Variants in PTPRD observed in about 807,000 individuals in gnomAD.
The protein encoded by PTPRD is protein tyrosine phosphatase receptor type D.
In PTPRD, 34 loss-of-function variants were observed where a neutral mutation model predicts 214.5. The observed-to-expected ratio is 0.16, with a 90% CI of 0.12 to 0.21. PTPRD has a LOEUF of 0.21. Among genes scored for constraint, PTPRD ranks in the 10% least tolerant of loss-of-function variants. The pLI, the probability that PTPRD is intolerant of heterozygous loss-of-function variation, is 1.00. For missense variants in PTPRD, 2,545 were observed against 2,398.7 expected (o/e 1.06, Z -1.27); for synonymous variants, 1,128 against 845.7 (o/e 1.33, Z -5.79).
intron 6 of PTPRD, among the ~76,000 whole-genome samples, chr9:9,739,251 T>G (rs10816171): frequency 0.23 from 34,524 of 152,142 alleles, 4,876 homozygotes; most frequent in South Asian, 0.3. Context: ...GGCATCCTTG[T>G]CTTTATCTCA....
intron 5 of PTPRD, among the ~76,000 whole-genome samples, chr9:9,891,345 A>G (rs1566048758): frequency 6.6e-6 from 1 of 152,090 alleles, no homozygotes; most frequent in East Asian, 1.9e-4. Context: ...TAAGTTTGAA[A>G]GTAATAAATG....
At position 8,316,545 on chromosome 9, in the gene PTPRD, G is replaced by A. The variant is rs753740509; in HGVS notation, c.*1329C>T. On this transcript the variant is annotated 3_prime_UTR_variant, in exon 46 of 46. Coordinates refer to ENST00000381196, the MANE Select transcript of PTPRD (RefSeq NM_002839.4). ...ACTTTTTTTAAACAACTCGATAGCTGATATATTACAACATTCTCCCCTCCT... is the reference window on the plus strand; with the variant it reads ...ACTTTTTTTAAACAACTCGATAGCTAATATATTACAACATTCTCCCCTCCT... The A allele has an allele frequency of 4.3e-6, 1 of 230,408 alleles. No homozygotes were observed. Among genetic ancestry groups the A allele is most frequent in the Non-Finnish European group, 8.6e-6 (1 of 116,170 alleles). 14.3% of individuals were successfully genotyped at this position (230,408 alleles called of 1,614,324 possible). A position where few individuals can be genotyped will look rare whatever the true frequency, so the allele number is the denominator to read the frequency against.
At chr9:9,389,456 G>T (rs2065053104) in intron 9 of PTPRD, among the ~76,000 whole-genome samples, 1 of 152,192 alleles carries the variant, frequency 6.6e-6, no homozygotes, top group South Asian at 2.1e-4. Flanking sequence ...GTTGTGGTGA[G>T]CTGAGATCGT....
At chr9:10,560,830 G>C (rs1328751219) in intron 2 of PTPRD, among the ~76,000 whole-genome samples, 1 of 152,184 alleles carries the variant, frequency 6.6e-6, no homozygotes, top group Non-Finnish European at 1.5e-5. Flanking sequence ...AATAGCAACA[G>C]GATGCTAGTG....
intron 11 of PTPRD, among the ~76,000 whole-genome samples, chr9:8,773,516 T>C (rs2095327564): frequency 6.6e-6 from 1 of 152,226 alleles, no homozygotes. Context: ...CTGTTGCATG[T>C]ATTTTATCTG....
chr9:8,585,990 A>G (rs1214882176), intron 14 of PTPRD, among the ~76,000 whole-genome samples: 1 of 152,212 alleles, frequency 6.6e-6, no homozygotes, highest in Non-Finnish European at 1.5e-5. Flanking sequence ...GGATTTAACA[A>G]TAGGCATTAC....
intron 7 of PTPRD, among the ~76,000 whole-genome samples, chr9:9,629,293 A>G (rs576484747): frequency 4.5e-4 from 68 of 150,464 alleles, no homozygotes; most frequent in Non-Finnish European, 8.3e-4. Flanking sequence ...ATGTGTATAT[A>G]TATATTATAT....
intron 5 of PTPRD, among the ~76,000 whole-genome samples, chr9:9,769,617 T>G (rs2098735762): frequency 1.3e-5 from 2 of 152,046 alleles, no homozygotes; most frequent in South Asian, 4.1e-4. Context: ...TGAGCCACCG[T>G]GCCCGGCCAC....
At chr9:10,487,475 G>T (rs939376416) in intron 2 of PTPRD, among the ~76,000 whole-genome samples, 9 of 151,858 alleles carry the variant, frequency 5.9e-5, no homozygotes, top group African/African-American at 2.2e-4. Context: ...ATAAGTTTTT[G>T]GTTTGAGTTT....
chr9:8,763,654 A>G (rs2094538066), intron 11 of PTPRD, among the ~76,000 whole-genome samples: 1 of 151,566 alleles, frequency 6.6e-6, no homozygotes, highest in Non-Finnish European at 1.5e-5. Flanking sequence ...CACACCTAAG[A>G]GAAAGTGATG....
intron 2 of PTPRD, among the ~76,000 whole-genome samples, chr9:10,355,479 C>CTTTT (rs1273617961): frequency 7.3e-6 from 1 of 136,716 alleles, no homozygotes; most frequent in African/African-American, 2.7e-5. Context: ...TATTTCTTTT[C>CTTTT]TTTTTTTTTT....
At chr9:10,304,480 T>C (rs611808) in intron 3 of PTPRD, among the ~76,000 whole-genome samples, 15,126 of 152,180 alleles carry the variant, frequency 0.099, 840 homozygotes, top group South Asian at 0.21. Context: ...TTGTCTCTGT[T>C]TGCAGATGAC....
chr9:9,882,825 G>A (rs1219412378), intron 5 of PTPRD, among the ~76,000 whole-genome samples: 2 of 152,100 alleles, frequency 1.3e-5, no homozygotes, highest in Admixed American at 6.6e-5. Flanking sequence ...GGAAGTGGGG[G>A]CCTAATGGGA....
At chr9:9,765,892 G>C (rs2098703128) in intron 6 of PTPRD, among the ~76,000 whole-genome samples, 1 of 152,064 alleles carries the variant, frequency 6.6e-6, no homozygotes, top group Admixed American at 6.6e-5. Flanking sequence ...TCGATCTCCT[G>C]ACCTCGTGAT....
chr9:8,947,913 C>T (rs193174258), intron 11 of PTPRD, among the ~76,000 whole-genome samples: 77 of 152,016 alleles, frequency 5.1e-4, no homozygotes, highest in Admixed American at 9.2e-4. Context: ...AAATACATCA[C>T]GAATTGGTAT....
chr9:10,514,918 C>G (rs2049515418), intron 2 of PTPRD, among the ~76,000 whole-genome samples: 1 of 151,714 alleles, frequency 6.6e-6, no homozygotes, highest in Non-Finnish European at 1.5e-5. Context: ...TTCTGGGAAC[C>G]AGGGTAAAAA....
intron 4 of PTPRD, among the ~76,000 whole-genome samples, chr9:9,941,747 T>G (rs950913048): frequency 2.0e-5 from 3 of 152,168 alleles, no homozygotes; most frequent in Admixed American, 6.5e-5. Flanking sequence ...AGAACAACTC[T>G]GAAGAAGAGG....
chr9:9,604,541 T>C (rs1224016564), intron 7 of PTPRD, among the ~76,000 whole-genome samples: 1 of 152,092 alleles, frequency 6.6e-6, no homozygotes, highest in African/African-American at 2.4e-5. Flanking sequence ...ATAAACTCTT[T>C]TTGGAAAACT....
intron 9 of PTPRD, among the ~76,000 whole-genome samples, chr9:9,389,420 G>T (rs1194112357): frequency 1.3e-5 from 2 of 152,158 alleles, no homozygotes; most frequent in Admixed American, 6.5e-5. Flanking sequence ...TGAGGTAGGA[G>T]AATTGCTTGA....
Sources: gnomAD v4.1 joint callset for allele counts (sites outside exome capture counted in the v4.1 genomes callset) on GRCh38, gnomAD v4.1.1 for gene constraint, MANE v1.5 for transcripts, NCBI Gene and HGNC (gene_info 2026-07-23, HGNC 2026-07-21) for gene names.